The following NAA15 variants were observed in gnomAD, a reference collection of about 807,000 sequenced individuals.
NAA15 encodes the protein N-terminal acetyltransferase.
A neutral mutation model predicts 114.0 loss-of-function variants in NAA15; 34 were observed. The observed-to-expected ratio is 0.30, with a 90% CI of 0.23 to 0.40. NAA15 has a LOEUF of 0.40. Ranked by LOEUF, NAA15 falls within the 10% of genes least tolerant of loss-of-function variation. The pLI is 1.00. For synonymous variants in NAA15, 340 were observed against 338.0 expected, an observed-to-expected ratio of 1.01 and a Z score of -0.06; for missense variants, 658 against 1,004.5, an observed-to-expected ratio of 0.66 and a Z score of 4.66.
At chr4:139,305,183 T>C (rs1745969027) in intron 1 of NAA15, among the ~76,000 whole-genome samples, 1 of 152,226 alleles carries the variant, frequency 6.6e-6, no homozygotes, top group Admixed American at 6.5e-5. Flanking sequence ...TTAAACATCT[T>C]AATTTTTTTG....
intron 10 of NAA15, among the ~76,000 whole-genome samples, chr4:139,355,445 T>A (rs994318706): frequency 2.0e-5 from 3 of 152,316 alleles, no homozygotes; most frequent in Admixed American, 6.5e-5. Context: ...GTTTGCTGAC[T>A]GTACCCCATG....
In NAA15 at chr4:139,370,298, A is replaced by T; in HGVS notation, c.1841A>T (p.Asn614Ile). The change falls in exon 15 of 20, where the codon AAT (asparagine) becomes ATT (isoleucine). Residue 614 changes from asparagine (N) to isoleucine (I), a missense_variant. Transcript: ENST00000296543. Reference protein sequence around the residue: ...KKAQIEEEKKNAEKEKQQRNQ... With the variant: ...KKAQIEEEKKIAEKEKQQRNQ... Reference sequence around the variant, plus strand: ...GCCCAGATAGAAGAAGAGAAAAAAAATGCAGAAAAAGAAAAGCAGCAGAGA... The same window carrying T: ...GCCCAGATAGAAGAAGAGAAAAAAATTGCAGAAAAAGAAAAGCAGCAGAGA... 1 of 1,598,520 alleles carries T rather than the reference A, an allele frequency of 6.3e-7. No individual in the cohort carries two copies. The highest frequency in any genetic ancestry group is 8.5e-7 in the Non-Finnish European group (1 of 1,171,698).
intron 1 of NAA15, among the ~76,000 whole-genome samples, chr4:139,317,522 G>C (rs1746452058): frequency 6.6e-6 from 1 of 152,200 alleles, no homozygotes. Context: ...TCGGAAGGCT[G>C]AGGCAGGAGA....
chr4:139,315,011 G>GTTTAGTTTAGTTTAGT (rs59026436), intron 1 of NAA15, among the ~76,000 whole-genome samples: 3,582 of 86,840 alleles, frequency 0.041, 240 homozygotes, highest in Middle Eastern at 0.067. Flanking sequence ...TTTAGTTTAG[G>GTTTAGTTTAGTTTAGT]TTAGGTTAGG....
Position 139,342,958 on chromosome 4 carries a change from C to G in NAA15, c.535C>G (p.Gln179Glu), listed in dbSNP as rs1747461353. Reference protein sequence around the residue: ...KILEEFRKTQQTSPDKVDYEY... With the variant: ...KILEEFRKTQETSPDKVDYEY... Reference sequence around the variant, plus strand: ...TTTAGAAGAATTTAGGAAAACACAACAGGTAATAACTAGAAGCCATTTTAC... The same window carrying G: ...TTTAGAAGAATTTAGGAAAACACAAGAGGTAATAACTAGAAGCCATTTTAC... The change falls in exon 5 of 20, where the codon CAG (glutamine) becomes GAG (glutamate). Residue 179 changes from glutamine (Q) to glutamate (E), a missense_variant and splice_region_variant. Gln to Glu is a conservative substitution (Grantham distance 29, BLOSUM62 2). Coordinates refer to ENST00000296543, the MANE Select transcript of NAA15 (RefSeq NM_057175.5). 6.2e-7 allele frequency: 1 copy of G among 1,610,862 alleles called. No individual in the cohort carries two copies. The highest frequency in any genetic ancestry group is 2.2e-5 in the East Asian group (1 of 44,824).
chr4:139,387,866 CTTT>C lies in NAA15; in HGVS notation c.2401-13_2401-11del. The C allele has an allele frequency of 6.2e-7, 1 of 1,603,734 alleles. No individual in the cohort carries two copies. The highest frequency in any genetic ancestry group is 8.5e-7 in the Non-Finnish European group (1 of 1,174,758). ...CTTTTTTTGACCAGTTACAACATGA[CTTT>C]TTTTCTTTCCTTAGACATGTATGGA... On this transcript the variant is annotated splice_polypyrimidine_tract_variant and intron_variant, in intron 19 of 19. Transcript: ENST00000296543.
intron 1 of NAA15, among the ~76,000 whole-genome samples, chr4:139,303,927 T>G (rs1745907556): frequency 6.6e-6 from 1 of 152,190 alleles, no homozygotes; most frequent in Non-Finnish European, 1.5e-5. Flanking sequence ...TTTTTTTGTT[T>G]GTTTGTTTGA....
At chr4:139,378,561 C>T (rs1412255356) in intron 16 of NAA15, among the ~76,000 whole-genome samples, 195 bp from the exon 17 acceptor site, 4 of 152,156 alleles carry the variant, frequency 2.6e-5, no homozygotes, top group Non-Finnish European at 5.9e-5. Flanking sequence ...TTTCACAAAA[C>T]GTTTTTTCTT....
chr4:139,369,721 G>A (rs150057961), intron 14 of NAA15, among the ~76,000 whole-genome samples: 1,358 of 122,960 alleles, frequency 0.011, 10 homozygotes, highest in Non-Finnish European at 0.016. Flanking sequence ...ATGGGTGACA[G>A]AGTGAGACTC....
At chr4:139,338,217 T>C (rs1343566339) in intron 3 of NAA15, among the ~76,000 whole-genome samples, 1 of 152,114 alleles carries the variant, frequency 6.6e-6, no homozygotes, top group African/African-American at 2.4e-5. Flanking sequence ...AGTGGAAAGA[T>C]AGGTAATGGG....
intron 14 of NAA15, among the ~76,000 whole-genome samples, chr4:139,364,238 TTAAGA>T (rs1379387142): frequency 2.6e-5 from 4 of 152,190 alleles, no homozygotes; most frequent in South Asian, 2.1e-4. Context: ...GTTTTATCCT[TTAAGA>T]TGAGTATCTT....
At chr4:139,330,618 G>GA (rs1223946974) in intron 1 of NAA15, among the ~76,000 whole-genome samples, 1 of 152,186 alleles carries the variant, frequency 6.6e-6, no homozygotes, top group Non-Finnish European at 1.5e-5. Flanking sequence ...TGAAGAGGGG[G>GA]AATCAACTCT....
rs939359737 is a variant in NAA15, at chr4:139,352,112, A to AT, written c.1014+510dup. On this transcript the variant is annotated intron_variant, in intron 9 of 19. Coordinates refer to ENST00000296543, the MANE Select transcript of NAA15 (RefSeq NM_057175.5). ...TGCTTCTTTAGAGGTTATTTTAATT[A>AT]TTTTTTTTTCTTTTGAGACTGAGTC... Among the ~76,000 whole-genome samples, 14 of 150,624 alleles carry AT rather than the reference A, an allele frequency of 9.3e-5. No homozygotes were observed. In the Middle Eastern group the frequency reaches 0.021, roughly 221 times the overall value.
At chr4:139,369,076 C>G (rs961791355) in intron 14 of NAA15, among the ~76,000 whole-genome samples, 1 of 152,162 alleles carries the variant, frequency 6.6e-6, no homozygotes, top group Non-Finnish European at 1.5e-5. Flanking sequence ...TTTTGGCATG[C>G]TGCTAGGCCC....
chr4:139,315,011 G>GTTTAGTTTAGTTTAGTTTAGTTTAGT (rs59026436), intron 1 of NAA15, among the ~76,000 whole-genome samples: 9,749 of 86,268 alleles, frequency 0.11, 1,060 homozygotes, highest in South Asian at 0.22. Context: ...TTTAGTTTAG[G>GTTTAGTTTAGTTTAGTTTAGTTTAGT]TTAGGTTAGG....
rs35581039 is a variant in NAA15, at chr4:139,371,497, GCACACACACACACACACACACACACA to G, written c.1947+1113_1947+1138del. Among the ~76,000 whole-genome samples, 719 of 113,674 alleles carry G rather than the reference GCACACACACACACACACACACACACA, an allele frequency of 6.3e-3. 13 individuals carry two copies. The highest frequency in any genetic ancestry group is 0.022 in the African/African-American group (684 of 31,716). 74.6% of individuals were successfully genotyped at this position (113,674 alleles called of 152,430 possible). A position where few individuals can be genotyped will look rare whatever the true frequency, so the allele number is the denominator to read the frequency against. Reference sequence around the variant, plus strand: ...CTTAAAAAAAAAAAAAAGAAAAGTAGCACACACACACACACACACACACACACACACACACACACACACACGAAATA... The same window carrying G: ...CTTAAAAAAAAAAAAAAGAAAAGTAGCACACACACACACACACACGAAATA... On this transcript the variant is annotated intron_variant, in intron 15 of 19. Transcript: ENST00000296543.
At chr4:139,330,146 A>G (rs1746953001) in intron 1 of NAA15, among the ~76,000 whole-genome samples, 1 of 152,224 alleles carries the variant, frequency 6.6e-6, no homozygotes, top group South Asian at 2.1e-4. Flanking sequence ...AATTTCAGAA[A>G]GCTGAAGGTT....
intron 1 of NAA15, among the ~76,000 whole-genome samples, chr4:139,311,737 C>T (rs973242123): frequency 5.9e-5 from 9 of 151,754 alleles, no homozygotes; most frequent in African/African-American, 1.7e-4. Flanking sequence ...GATTCTGACA[C>T]GAAGTCAGGG....
Position 139,331,316 on chromosome 4 carries a change from A to G in NAA15, c.55-2858A>G, listed in dbSNP as rs141105732. 3.0e-3 allele frequency among the ~76,000 whole-genome samples: 464 copies of G among 152,258 alleles called. 2 individuals carry two copies. The highest frequency in any genetic ancestry group is 5.3e-3 in the Non-Finnish European group (359 of 68,028). Reference sequence around the variant, plus strand: ...ATACATCACTATTTCTTCTTGATACATAGCTTTTAAATATTTGTTGACCTC... The same window carrying G: ...ATACATCACTATTTCTTCTTGATACGTAGCTTTTAAATATTTGTTGACCTC... On this transcript the variant is annotated intron_variant, in intron 1 of 19. Coordinates refer to ENST00000296543, the MANE Select transcript of NAA15 (RefSeq NM_057175.5).
Sources: gnomAD v4.1 joint callset for allele counts (sites outside exome capture counted in the v4.1 genomes callset) on GRCh38, gnomAD v4.1.1 for gene constraint, MANE v1.5 for transcripts, NCBI Gene and HGNC (gene_info 2026-07-23, HGNC 2026-07-21) for gene names.